The following RABL3 variants were observed in gnomAD, a reference collection of about 807,000 sequenced individuals.
RABL3 encodes RAB, member of RAS oncogene family like 3.
A neutral mutation model predicts 31.8 loss-of-function variants in RABL3; 31 were observed. The observed-to-expected ratio is 0.97, with a 90% CI of 0.73 to 1.31. The LOEUF is 1.31. RABL3 is among the 40% of genes most tolerant of loss of function. RABL3 has a pLI of 0.00. For missense variants in RABL3, 263 were observed against 279.6 expected, an observed-to-expected ratio of 0.94 and a Z score of 0.42; for synonymous variants, 97 against 99.9, an observed-to-expected ratio of 0.97 and a Z score of 0.18.
At position 120,690,456 on chromosome 3, in the gene RABL3, C is replaced by G. The variant is rs1322424101; in HGVS notation, c.638G>C (p.Gly213Ala). 2 of 1,589,902 alleles carry G rather than the reference C, an allele frequency of 1.3e-6. No individual in the cohort carries two copies. Among genetic ancestry groups the G allele is most frequent in the Non-Finnish European group, 1.7e-6 (2 of 1,158,542 alleles). The change falls in exon 7 of 8, where the codon GGT (glycine) becomes GCT (alanine). Residue 213 changes from glycine (G) to alanine (A), a missense_variant. Coordinates refer to ENST00000273375, the MANE Select transcript of RABL3 (RefSeq NM_173825.5). ...VIEKRYFLREGNQIPGFPDRK... is the reference protein window; with the variant it reads ...VIEKRYFLREANQIPGFPDRK... ...AAGAAAAGAGATACCAACCTGATTA[C>G]CTTCTCTTAAAAAGTATCTCTTCTC... is the stretch of plus-strand genomic sequence containing the variant.
chr3:120,709,722 T>A, intron 3 of RABL3, 58 bp downstream of exon 3: 3 of 1,278,512 alleles, frequency 2.3e-6, no homozygotes, highest in Non-Finnish European at 3.3e-6. Context: ...GCATTACATA[T>A]CAGATGATCT....
At chr3:120,725,991 A>AT (rs1014647652) in intron 2 of RABL3, among the ~76,000 whole-genome samples, 1 of 152,034 alleles carries the variant, frequency 6.6e-6, no homozygotes, top group East Asian at 1.9e-4. Flanking sequence ...ATTTTTTAAC[A>AT]TTTTTTTATG....
chr3:120,722,117 A>C (rs2107589695), intron 2 of RABL3: 1 of 152,276 alleles, frequency 6.6e-6, no homozygotes, highest in Middle Eastern at 3.4e-3. Flanking sequence ...CGACGCATAT[A>C]CCACGTGAAA....
chr3:120,715,728 A>G (rs1708661369), intron 2 of RABL3, among the ~76,000 whole-genome samples: 1 of 152,054 alleles, frequency 6.6e-6, no homozygotes, highest in African/African-American at 2.4e-5. Flanking sequence ...ATTGAACAGT[A>G]TCAGATTTTT....
intron 2 of RABL3, among the ~76,000 whole-genome samples, chr3:120,714,147 GA>G (rs931564180): frequency 3.3e-5 from 5 of 151,686 alleles, no homozygotes; most frequent in Non-Finnish European, 4.4e-5. Flanking sequence ...AACATATTTA[GA>G]AAAAAAATGA....
In RABL3 at chr3:120,687,006, AT is replaced by A. The variant is rs1181681027; in HGVS notation, c.*2816del. On this transcript the variant is annotated 3_prime_UTR_variant, in exon 8 of 8. Transcript: ENST00000273375. ...AGGGGAGAAGGGGTAAGGGGAAGGT[AT>A]GAGAAACCTTGCTTCTGCAGTTTTC... The A allele has an allele frequency of 5.9e-5, 9 of 152,210 alleles. No homozygotes were observed. Among genetic ancestry groups the A allele is most frequent in the Admixed American group, 2.0e-4 (3 of 15,276 alleles). The allele number at this position is 152,210 out of a possible 1,614,324, so 9.4% of individuals were successfully genotyped here. A position where few individuals can be genotyped will look rare whatever the true frequency, so the allele number is the denominator to read the frequency against.
In RABL3 at chr3:120,706,031, A is replaced by T. The variant is rs773279384; in HGVS notation, c.352T>A (p.Leu118Met). 1.4e-5 allele frequency: 22 copies of T among 1,613,542 alleles called. No homozygotes were observed. The highest frequency in any genetic ancestry group is 1.8e-5 in the Non-Finnish European group (21 of 1,179,628). The change falls in exon 4 of 8, where the codon TTG becomes ATG. Residue 118 changes from leucine to methionine, a missense_variant. Coordinates refer to ENST00000273375, the MANE Select transcript of RABL3 (RefSeq NM_173825.5). The part of the protein sequence containing the change: ...RWSLEALNRD[L>M]VPTGVLVTNG... ...GTCACCAAGACTCCAGTTGGCACCA[A>T]ATCCCTGTTGAGAGCTTCCAATGAC...
At chr3:120,725,387 G>A (rs1383930816) in intron 2 of RABL3, among the ~76,000 whole-genome samples, 1 of 152,166 alleles carries the variant, frequency 6.6e-6, no homozygotes, top group Non-Finnish European at 1.5e-5. Flanking sequence ...AAGTCAGTGT[G>A]GTGATTCCTC....
Position 120,697,613 on chromosome 3 carries a change from G to A in RABL3, c.534+810C>T, listed in dbSNP as rs143498659. Among the ~76,000 whole-genome samples, 215 of 152,160 alleles carry A rather than the reference G, an allele frequency of 1.4e-3. 1 individual carries two copies. The highest frequency in any genetic ancestry group is 3.4e-3 in the Middle Eastern group (1 of 294). Reference sequence around the variant, plus strand: ...CAACCATTTCTTAGCTTTTTTACGCGCTCAGTTCTCATTGAGCTAGTTATC... The same window carrying A: ...CAACCATTTCTTAGCTTTTTTACGCACTCAGTTCTCATTGAGCTAGTTATC... On this transcript the variant is annotated intron_variant, in intron 5 of 7. Coordinates refer to ENST00000273375, the MANE Select transcript of RABL3 (RefSeq NM_173825.5).
intron 5 of RABL3, among the ~76,000 whole-genome samples, chr3:120,696,593 ACACAC>A (rs1157560611): frequency 1.4e-3 from 3 of 2,100 alleles, no homozygotes; most frequent in Admixed American, 0.012. Flanking sequence ...AGTAGGAATA[ACACAC>A]ACACACACAC....
At position 120,687,134 on chromosome 3, in the gene RABL3, C is replaced by T. The variant is rs1229404095; in HGVS notation, c.*2689G>A. ...ATCTTTAGTTGGATTCCAGCTAAGT[C>T]TTATACACCTAAGGGACAGAGGAGT... On this transcript the variant is annotated 3_prime_UTR_variant, in exon 8 of 8. Transcript: ENST00000273375. 1 of 152,100 alleles carries T rather than the reference C, an allele frequency of 6.6e-6. No homozygotes were observed. The highest frequency in any genetic ancestry group is 1.5e-5 in the Non-Finnish European group (1 of 68,032). The allele number at this position is 152,100 out of a possible 1,614,324, so 9.4% of individuals were successfully genotyped here. A position where few individuals can be genotyped will look rare whatever the true frequency, so the allele number is the denominator to read the frequency against.
chr3:120,727,488 A>T (rs1021757726), intron 2 of RABL3, among the ~76,000 whole-genome samples: 1 of 152,142 alleles, frequency 6.6e-6, no homozygotes, highest in African/African-American at 2.4e-5. Flanking sequence ...TTAGGTCCAG[A>T]TGGTTTCACC....
chr3:120,734,024 C>A (rs544914266), intron 1 of RABL3, among the ~76,000 whole-genome samples: 4 of 152,050 alleles, frequency 2.6e-5, no homozygotes, highest in East Asian at 1.9e-4. Flanking sequence ...GGATTGTCTT[C>A]GAAATGTGGG....
intron 1 of RABL3, among the ~76,000 whole-genome samples, chr3:120,739,765 GGTTT>G (rs1450129323): frequency 8.5e-5 from 13 of 152,192 alleles, no homozygotes; most frequent in Admixed American, 2.0e-4. Flanking sequence ...TTTGTAAATA[GGTTT>G]GTTTATGTTC....
intron 2 of RABL3, among the ~76,000 whole-genome samples, chr3:120,715,883 G>A (rs1223165110): frequency 6.6e-6 from 1 of 152,152 alleles, no homozygotes; most frequent in African/African-American, 2.4e-5. Flanking sequence ...TAGTGCCTCT[G>A]TGCTTCAATT....
chr3:120,725,757 T>C (rs1387908186), intron 2 of RABL3, among the ~76,000 whole-genome samples: 1 of 152,052 alleles, frequency 6.6e-6, no homozygotes, highest in Admixed American at 6.5e-5. Flanking sequence ...TGAGAACACA[T>C]GGACACAGGA....
chr3:120,704,881 C>T (rs966240524), intron 4 of RABL3, among the ~76,000 whole-genome samples: 10 of 151,966 alleles, frequency 6.6e-5, no homozygotes, highest in African/African-American at 2.4e-4. Flanking sequence ...CCTGTCTCTG[C>T]CAAAAATACA....
At chr3:120,719,627 T>C (rs1708712899) in intron 2 of RABL3, among the ~76,000 whole-genome samples, 1 of 152,246 alleles carries the variant, frequency 6.6e-6, no homozygotes, top group East Asian at 1.9e-4. Context: ...GAGAGCAAAC[T>C]GCAAGGCAGC....
intron 2 of RABL3, among the ~76,000 whole-genome samples, chr3:120,726,017 C>A (rs919469669): frequency 6.6e-6 from 1 of 152,034 alleles, no homozygotes; most frequent in Non-Finnish European, 1.5e-5. Context: ...GGGGGTCTCA[C>A]CATGTTGCCC....
Sources: allele counts gnomAD v4.1 joint callset (sites outside exome capture counted in the v4.1 genomes callset), GRCh38; gene constraint gnomAD v4.1.1; transcripts MANE v1.5; gene names NCBI Gene and HGNC (gene_info 2026-07-23, HGNC 2026-07-21).